PCDHGA5: variants seen among roughly 807,000 people sequenced by gnomAD.
PCDHGA5 encodes the protein protocadherin gamma subfamily A, 5, also known as protocadherin gamma-A5.
Under a neutral mutation model 56.7 loss-of-function variants are expected in PCDHGA5, and 36 were observed. That is an observed-to-expected ratio of 0.64 (90% CI 0.49 to 0.84). The LOEUF is 0.84. PCDHGA5 is among the 40% of genes least tolerant of loss of function. The pLI, the probability that PCDHGA5 is intolerant of heterozygous loss-of-function variation, is 0.00. For synonymous variants in PCDHGA5, 563 were observed against 520.2 expected (o/e 1.08, Z -1.12); for missense variants, 1,305 against 1,201.5 (o/e 1.09, Z -1.27).
Position 141,490,800 on chromosome 5 carries a change from TACCTTTG to T in PCDHGA5, c.2422-4004_2422-3998del, listed in dbSNP as rs763340907. Reference sequence around the variant, plus strand: ...AGGATGGACGGATCTTTGCCCAGCGTACCTTTGACTATGAATTGCTGCAGATGCTGCA... The same window carrying T: ...AGGATGGACGGATCTTTGCCCAGCGTACTATGAATTGCTGCAGATGCTGCA... On this transcript the variant is annotated intron_variant, in intron 1 of 3. Transcript: ENST00000518069. The surrounding 1 kb of genome is among the most constrained non-coding windows in gnomAD (Gnocchi z 5.4). 2.5e-6 allele frequency: 4 copies of T among 1,613,968 alleles called. No homozygotes were observed. The highest frequency in any genetic ancestry group is 1.7e-6 in the Non-Finnish European group (2 of 1,179,894).
At chr5:141,421,080 C>CA (rs2096545590) in intron 1 of PCDHGA5, 1 of 638,250 alleles carries the variant, frequency 1.6e-6, no homozygotes, top group East Asian at 2.9e-5. Context: ...GATGGATACT[C>CA]ACAGATCCTG....
chr5:141,407,200 G>A (rs1054595818), intron 1 of PCDHGA5, among the ~76,000 whole-genome samples: 2 of 152,228 alleles, frequency 1.3e-5, no homozygotes, highest in East Asian at 1.9e-4. Context: ...TTTCAAACAC[G>A]TTTTCCCCCT....
At chr5:141,393,194 C>A in intron 1 of PCDHGA5, 2 of 1,613,362 alleles carry the variant, frequency 1.2e-6, no homozygotes, top group Non-Finnish European at 1.7e-6. Context: ...TTGATATTAA[C>A]GATAATAACC....
intron 1 of PCDHGA5, among the ~76,000 whole-genome samples, chr5:141,435,732 C>T (rs2097777160): frequency 6.6e-6 from 1 of 152,150 alleles, no homozygotes; most frequent in South Asian, 2.1e-4. Flanking sequence ...AAGTGTATTA[C>T]TCTTTGAAAA....
chr5:141,374,853 TAGGCACACCAGTGTTG>T, intron 1 of PCDHGA5: 1 of 1,613,796 alleles, frequency 6.2e-7, no homozygotes, highest in Non-Finnish European at 8.5e-7. Context: ...AACCTGCCAG[TAGGCACACCAGTGTTG>T]GCAGTGACTG....
rs755190269 is a variant in PCDHGA5 at position 141,385,225 on chromosome 5, G to A, written c.2421+18474G>A. 9.9e-6 allele frequency: 16 copies of A among 1,614,114 alleles called. No individual in the cohort carries two copies. Among genetic ancestry groups the A allele is most frequent in the Non-Finnish European group, 1.3e-5 (15 of 1,180,054 alleles). On this transcript the variant is annotated intron_variant, in intron 1 of 3. Transcript: ENST00000518069. ...CCTGATCTTCCCCCAGCCCAACTAT[G>A]TAGACATGCTCATCAGCCAGGAGAG...
At position 141,431,398 on chromosome 5, in the gene PCDHGA5, G is replaced by A. The variant is rs1052461071; in HGVS notation, c.2422-63409G>A. ...AGGCTGCTCACCACCTGGTCCTTACGGCCTCCGACGGGGGCGACCCGGTGC... is the reference window on the plus strand; with the variant it reads ...AGGCTGCTCACCACCTGGTCCTTACAGCCTCCGACGGGGGCGACCCGGTGC... On this transcript the variant is annotated intron_variant, in intron 1 of 3. Coordinates refer to ENST00000518069, the MANE Select transcript of PCDHGA5 (RefSeq NM_018918.3). This position sits in a 1 kb window ranked among gnomAD's most constrained non-coding sequence, Gnocchi z 4.8. The A allele has an allele frequency of 6.8e-6, 11 of 1,613,768 alleles. No homozygotes were observed. Among genetic ancestry groups the A allele is most frequent in the Non-Finnish European group, 9.3e-6 (11 of 1,180,036 alleles).
At chr5:141,423,126 G>A (rs1397550571) in intron 1 of PCDHGA5, 1 of 1,613,622 alleles carries the variant, frequency 6.2e-7, no homozygotes, top group Non-Finnish European at 8.5e-7. Context: ...CGCGGGCACT[G>A]CTGGACAGAG....
At chr5:141,422,566 A>G (rs2096656660) in intron 1 of PCDHGA5, 1 of 1,614,020 alleles carries the variant, frequency 6.2e-7, no homozygotes, top group Non-Finnish European at 8.5e-7. Flanking sequence ...GGCAGATGAC[A>G]ACGATAACCC....
At chr5:141,408,917 C>T (rs549266523) in intron 1 of PCDHGA5, 2 of 1,613,248 alleles carry the variant, frequency 1.2e-6, no homozygotes, top group Non-Finnish European at 8.5e-7. Context: ...CAATGATAAC[C>T]CCCCGGTTTT....
At chr5:141,452,895 A>G (rs527695680) in intron 1 of PCDHGA5, among the ~76,000 whole-genome samples, 16 of 152,312 alleles carry the variant, frequency 1.1e-4, no homozygotes, top group African/African-American at 3.6e-4. Flanking sequence ...TTCCACTTTT[A>G]TTAGTTGGCA....
At position 141,486,426 on chromosome 5, in the gene PCDHGA5, A is replaced by T; in HGVS notation, c.2422-8381A>T. 6.2e-7 allele frequency: 1 copy of T among 1,614,190 alleles called. No homozygotes were observed. The highest frequency in any genetic ancestry group is 8.5e-7 in the Non-Finnish European group (1 of 1,180,026). ...GCTGGACCCTTGGATCGAGAGGCCA[A>T]ATCTAGCTATGACATCATGGTCACT... On this transcript the variant is annotated intron_variant, in intron 1 of 3. Coordinates refer to ENST00000518069, the MANE Select transcript of PCDHGA5 (RefSeq NM_018918.3). This position sits in a 1 kb window ranked among gnomAD's most constrained non-coding sequence, Gnocchi z 5.0.
In PCDHGA5 at chr5:141,477,718, A is replaced by G; in HGVS notation, c.2422-17089A>G. 6.2e-7 allele frequency: 1 copy of G among 1,613,928 alleles called. No homozygotes were observed. The highest frequency in any genetic ancestry group is 8.5e-7 in the Non-Finnish European group (1 of 1,180,034). On this transcript the variant is annotated intron_variant, in intron 1 of 3. Coordinates refer to ENST00000518069, the MANE Select transcript of PCDHGA5 (RefSeq NM_018918.3). The surrounding 1 kb of genome is among the most constrained non-coding windows in gnomAD (Gnocchi z 4.9). ...ACTATGAGGATCGGCGGGAATTTGA[A>G]TTAACAGCTCATATCAGCGATGGGG...
rs745698097 is a variant in PCDHGA5 at position 141,389,267 on chromosome 5, G to C, written c.2421+22516G>C. The C allele has an allele frequency of 3.0e-5, 48 of 1,613,890 alleles. No individual in the cohort carries two copies. The highest frequency in any genetic ancestry group is 4.0e-5 in the Non-Finnish European group (47 of 1,179,898). On this transcript the variant is annotated intron_variant, in intron 1 of 3. Coordinates refer to ENST00000518069, the MANE Select transcript of PCDHGA5 (RefSeq NM_018918.3). ...CTTCCTATATAGTCCACGTGGCCGA[G>C]AACAACCCGCCTGGAGCCTCTATTT...
intron 1 of PCDHGA5, chr5:141,410,249 G>A (rs371076854): frequency 1.2e-6 from 2 of 1,613,992 alleles, no homozygotes; most frequent in Non-Finnish European, 8.5e-7. Flanking sequence ...TGTACTCTCT[G>A]ACCCCCAGGC....
chr5:141,419,735 G>A (rs1013306543), intron 1 of PCDHGA5: 4 of 1,613,806 alleles, frequency 2.5e-6, no homozygotes, highest in Non-Finnish European at 3.4e-6. Flanking sequence ...AACAGGCGAG[G>A]TGCGCATGGT....
In PCDHGA5 at chr5:141,366,429, T is replaced by C. The variant is rs1316802460; in HGVS notation, c.2099T>C (p.Val700Ala). ...TLYLVVAVAA[V>A]SCVFLAFVIV... ...TATCTTGTGGTGGCAGTGGCTGCAG[T>C]CTCCTGCGTCTTCCTGGCCTTCGTC... The change falls in exon 1 of 4, where the codon GTC becomes GCC. Residue 700 changes from valine to alanine, a missense_variant. Coordinates refer to ENST00000518069, the MANE Select transcript of PCDHGA5 (RefSeq NM_018918.3). The C allele has an allele frequency of 1.2e-6, 2 of 1,614,110 alleles. No individual in the cohort carries two copies. Among genetic ancestry groups the C allele is most frequent in the Admixed American group, 3.3e-5 (2 of 60,036 alleles).
chr5:141,491,666 G>A lies in PCDHGA5; in HGVS notation c.2422-3141G>A, dbSNP rs373526771. 9.4e-5 allele frequency: 152 copies of A among 1,613,614 alleles called. No homozygotes were observed. The highest frequency in any genetic ancestry group is 1.2e-4 in the Non-Finnish European group (142 of 1,180,016). The stretch of plus-strand genomic sequence containing the variant: ...CTGGCGCTGGAGCCTGACGCCATCC[G>A]GTCCCGCTCTAATACGCTGCGGGAG... On this transcript the variant is annotated intron_variant, in intron 1 of 3. Coordinates refer to ENST00000518069, the MANE Select transcript of PCDHGA5 (RefSeq NM_018918.3). This position sits in a 1 kb window ranked among gnomAD's most constrained non-coding sequence, Gnocchi z 6.9.
chr5:141,412,930 C>A, intron 1 of PCDHGA5: 1 of 451,594 alleles, frequency 2.2e-6, no homozygotes, highest in Non-Finnish European at 3.9e-6. Context: ...GCAGTAACTT[C>A]TTAGGACTCT....
Sources: gnomAD v4.1 joint callset for allele counts (sites outside exome capture counted in the v4.1 genomes callset) on GRCh38, gnomAD v4.1.1 for gene constraint, Gnocchi (gnomAD v3.1) non-coding constraint, MANE v1.5 for transcripts, NCBI Gene and HGNC (gene_info 2026-07-23, HGNC 2026-07-21) for gene names.